The following RMDN2 variants were observed in gnomAD, a reference collection of about 807,000 sequenced individuals.
RMDN2 encodes regulator of microtubule dynamics 2, also known as regulator of microtubule dynamics protein 2.
Under a neutral mutation model 52.8 loss-of-function variants are expected in RMDN2, and 61 were observed. That is an observed-to-expected ratio of 1.16 (90% CI 0.94 to 1.43). The LOEUF is 1.43. Ranked by LOEUF, RMDN2 falls within the 40% of genes most tolerant of loss-of-function variation. The pLI, the probability that RMDN2 is intolerant of heterozygous loss-of-function variation, is 0.00. For missense variants in RMDN2, 592 were observed against 475.3 expected (o/e 1.25, Z -2.28); for synonymous variants, 180 against 153.1 (o/e 1.18, Z -1.30).
At chr2:38,049,695 C>T (rs1358987117) in intron 10 of RMDN2, among the ~76,000 whole-genome samples, 2 of 152,178 alleles carry the variant, frequency 1.3e-5, no homozygotes, top group African/African-American at 4.8e-5. Context: ...GTTTCAGCTT[C>T]TCAAGTAGCT....
At chr2:37,965,888 C>G (rs920195116) in intron 2 of RMDN2, among the ~76,000 whole-genome samples, 2 of 152,138 alleles carry the variant, frequency 1.3e-5, no homozygotes, top group African/African-American at 4.8e-5. Context: ...TTATAGAAAT[C>G]TCAGGTAACA....
intron 2 of RMDN2, among the ~76,000 whole-genome samples, chr2:37,944,166 T>G (rs1215688792): frequency 6.6e-6 from 1 of 152,304 alleles, no homozygotes; most frequent in Non-Finnish European, 1.5e-5. Flanking sequence ...TTAGTTTTCA[T>G]AACCTGGAGA....
At chr2:37,924,238 C>T (rs185662487), upstream of RMDN2, among the ~76,000 whole-genome samples, 26 of 152,232 alleles carry the variant, frequency 1.7e-4, 1 homozygote, top group Admixed American at 6.5e-4. Flanking sequence ...TCTGCTGTTG[C>T]TGTTTTGAGA....
chr2:37,944,194 C>T (rs1165035283), intron 2 of RMDN2, among the ~76,000 whole-genome samples: 1 of 152,080 alleles, frequency 6.6e-6, no homozygotes, highest in Non-Finnish European at 1.5e-5. Context: ...GTTGTTTTTG[C>T]ATGATGTATG....
intron 10 of RMDN2, among the ~76,000 whole-genome samples, chr2:38,049,634 A>G (rs2125298213): frequency 6.6e-6 from 1 of 152,312 alleles, no homozygotes; most frequent in East Asian, 1.9e-4. Flanking sequence ...GTGCAGTGGT[A>G]TAATCATAGC....
chr2:37,935,291 G>A (rs577793457), intron 2 of RMDN2, among the ~76,000 whole-genome samples: 2 of 152,174 alleles, frequency 1.3e-5, no homozygotes, highest in African/African-American at 2.4e-5. Context: ...GATTTTTGAG[G>A]TTTTATTTGA....
At chr2:38,022,900 G>C (rs558996021) in intron 10 of RMDN2, among the ~76,000 whole-genome samples, 3 of 152,140 alleles carry the variant, frequency 2.0e-5, no homozygotes, top group African/African-American at 7.2e-5. Flanking sequence ...ACAGGGTCGG[G>C]GTCAGACAAC....
At chr2:37,935,477 C>T (rs955801832) in intron 2 of RMDN2, among the ~76,000 whole-genome samples, 1 of 152,162 alleles carries the variant, frequency 6.6e-6, no homozygotes, top group Non-Finnish European at 1.5e-5. Flanking sequence ...GATTTATATG[C>T]CTTGCTGTTA....
chr2:37,997,083 G>A (rs1675656393), intron 7 of RMDN2, among the ~76,000 whole-genome samples: 1 of 152,008 alleles, frequency 6.6e-6, no homozygotes, highest in Non-Finnish European at 1.5e-5. Context: ...ATGAACAAAC[G>A]GGATCAGCAT....
chr2:38,001,750 C>G (rs1327381897), intron 8 of RMDN2, among the ~76,000 whole-genome samples: 3 of 152,064 alleles, frequency 2.0e-5, no homozygotes, highest in Non-Finnish European at 4.4e-5. Context: ...TAGAATGGCT[C>G]AAGAAATGCA....
At chr2:37,996,601 GAAAAAAA>G in intron 7 of RMDN2, among the ~76,000 whole-genome samples, 1 of 58,006 alleles carries the variant, frequency 1.7e-5, no homozygotes, top group East Asian at 8.5e-4. Flanking sequence ...AAAAAAAAAA[GAAAAAAA>G]AAAAAAAAAA....
At chr2:37,992,993 C>T (rs1305909006) in intron 7 of RMDN2, among the ~76,000 whole-genome samples, 1 of 152,174 alleles carries the variant, frequency 6.6e-6, no homozygotes, top group Non-Finnish European at 1.5e-5. Flanking sequence ...CGGCTCACTG[C>T]AGCCTCCACC....
chr2:37,952,117 C>T lies in RMDN2; in HGVS notation c.453-21923C>T. On this transcript the variant is annotated intron_variant, in intron 2 of 10. Coordinates refer to ENST00000354545, the MANE Select transcript of RMDN2 (RefSeq NM_001170791.3). ...TTTATCCCACCTCAAAGCGAATTAACTTCAGGCCTGTTTGAAGATGAAGAC... is the reference window on the plus strand; with the variant it reads ...TTTATCCCACCTCAAAGCGAATTAATTTCAGGCCTGTTTGAAGATGAAGAC... The T allele has an allele frequency of 1.2e-6, 2 of 1,613,246 alleles. No homozygotes were observed. The highest frequency in any genetic ancestry group is 1.7e-6 in the Non-Finnish European group (2 of 1,179,480).
intron 10 of RMDN2, among the ~76,000 whole-genome samples, chr2:38,024,434 C>T (rs1047488178): frequency 4.6e-5 from 7 of 152,154 alleles, no homozygotes; most frequent in African/African-American, 1.7e-4. Context: ...ACTTTCTTGA[C>T]AACACTTGGT....
At chr2:37,999,014 C>T (rs2125169329) in intron 8 of RMDN2, among the ~76,000 whole-genome samples, 1 of 152,316 alleles carries the variant, frequency 6.6e-6, no homozygotes, top group South Asian at 2.1e-4. Flanking sequence ...AAAGATGCCA[C>T]ATTAACTAGC....
At chr2:38,021,357 G>C (rs904260425), downstream of RMDN2, among the ~76,000 whole-genome samples, 15 of 152,272 alleles carry the variant, frequency 9.9e-5, no homozygotes, top group East Asian at 1.7e-3. Flanking sequence ...AAGGCTGCCG[G>C]AACCAGCAGT....
intron 10 of RMDN2, among the ~76,000 whole-genome samples, chr2:38,006,965 T>G (rs147894866): frequency 6.6e-6 from 1 of 152,118 alleles, no homozygotes; most frequent in Non-Finnish European, 1.5e-5. Context: ...GAGATAATCA[T>G]ATGTTTTTTG....
intron 3 of RMDN2, 175 bp from the exon 4 acceptor site, chr2:37,975,037 G>C (rs976126807): frequency 1.0e-5 from 6 of 599,700 alleles, no homozygotes; most frequent in African/African-American, 9.4e-5. Flanking sequence ...ATATTTCTTA[G>C]CCATGAGTAT....
chr2:38,045,702 T>A (rs1681229962), intron 10 of RMDN2, among the ~76,000 whole-genome samples: 2 of 152,196 alleles, frequency 1.3e-5, no homozygotes, highest in South Asian at 2.1e-4. Context: ...ATAGTGAGCA[T>A]CTGAAGCATT....
Sources: gnomAD v4.1 joint callset for allele counts (sites outside exome capture counted in the v4.1 genomes callset) on GRCh38, gnomAD v4.1.1 for gene constraint, MANE v1.5 for transcripts, NCBI Gene and HGNC (gene_info 2026-07-23, HGNC 2026-07-21) for gene names.